Variants in KLHL29 observed in about 807,000 individuals in gnomAD.
KLHL29 encodes the protein kelch-like protein 29.
In KLHL29, 21 loss-of-function variants were observed where a neutral mutation model predicts 80.4. That is an observed-to-expected ratio of 0.26 (90% CI 0.19 to 0.38). KLHL29 has a LOEUF of 0.38. KLHL29 is among the 10% of genes least tolerant of loss of function. The pLI is 1.00. For missense variants in KLHL29, 867 were observed against 1,223.9 expected (o/e 0.71, Z 4.35); for synonymous variants, 511 against 526.8 (o/e 0.97, Z 0.41).
chr2:23,440,979 G>T (rs1376140607), intron 1 of KLHL29, among the ~76,000 whole-genome samples: 1 of 152,170 alleles, frequency 6.6e-6, no homozygotes, highest in Non-Finnish European at 1.5e-5. Flanking sequence ...CCATTACTGG[G>T]TATATACCCA....
intron 5 of KLHL29, among the ~76,000 whole-genome samples, chr2:23,660,483 A>G (rs1229083504): frequency 6.6e-6 from 1 of 152,180 alleles, no homozygotes; most frequent in Non-Finnish European, 1.5e-5. Flanking sequence ...GCTGCCAAAA[A>G]CAGGTGTTCA....
intron 2 of KLHL29, among the ~76,000 whole-genome samples, chr2:23,547,899 G>C (rs994206859): frequency 6.6e-6 from 1 of 152,168 alleles, no homozygotes; most frequent in African/African-American, 2.4e-5. Context: ...AAGGCTTCCA[G>C]GAGGAGGTGA....
intron 3 of KLHL29, among the ~76,000 whole-genome samples, chr2:23,636,426 C>T (rs1429306829): frequency 1.3e-5 from 2 of 151,844 alleles, no homozygotes; most frequent in African/African-American, 2.4e-5. Flanking sequence ...ACTTGATTCT[C>T]ACCACAGAGC....
intron 2 of KLHL29, among the ~76,000 whole-genome samples, chr2:23,493,661 G>A (rs73919708): frequency 1.2e-4 from 19 of 152,116 alleles, no homozygotes; most frequent in African/African-American, 3.6e-4. Context: ...GTGTGTGCGC[G>A]CATGTGTGTG....
chr2:23,470,533 G>C (rs549129568), intron 1 of KLHL29, among the ~76,000 whole-genome samples: 2 of 152,188 alleles, frequency 1.3e-5, no homozygotes, highest in Non-Finnish European at 2.9e-5. Flanking sequence ...AAATTTGTTA[G>C]AACAGGTAAA....
rs751380693 is a variant in KLHL29, at chr2:23,596,045, C to T, written c.285+33564C>T. ...ACACCGTTTTGTGGCATTGGGTCCA[C>T]ATTTGCTGCCAGCATAGCCTCTGGA... On this transcript the variant is annotated intron_variant, in intron 3 of 13. Transcript: ENST00000486442. The surrounding 1 kb of genome is among the most constrained non-coding windows in gnomAD (Gnocchi z 4.4). Among the ~76,000 whole-genome samples the T allele has an allele frequency of 5.1e-4, 77 of 152,336 alleles. No individual in the cohort carries two copies. Among genetic ancestry groups the T allele is most frequent in the Non-Finnish European group, 8.8e-4 (60 of 68,038 alleles).
rs140750247 is a variant in KLHL29, at chr2:23,461,658, G to A, written c.-153-13902G>A. Among the ~76,000 whole-genome samples the A allele has an allele frequency of 1.8e-3, 263 of 148,254 alleles. 2 individuals are homozygous for A. Among genetic ancestry groups the A allele is most frequent in the African/African-American group, 6.1e-3 (245 of 39,884 alleles). ...GTGACCCCTCTACCTTGTATGACTC[G>A]CTCTGCCTTCTCTATCAGCTACTTC... is the stretch of plus-strand genomic sequence containing the variant. On this transcript the variant is annotated intron_variant, in intron 1 of 13. Coordinates refer to ENST00000486442, the MANE Select transcript of KLHL29 (RefSeq NM_052920.2).
chr2:23,690,455 T>C (rs1193706029), intron 6 of KLHL29: 1 of 152,202 alleles, frequency 6.6e-6, no homozygotes. Context: ...GCCTGCTCGC[T>C]TGCTGGACAC....
intron 2 of KLHL29, among the ~76,000 whole-genome samples, chr2:23,545,158 G>C (rs1000969152): frequency 6.6e-6 from 1 of 152,188 alleles, no homozygotes; most frequent in African/African-American, 2.4e-5. Flanking sequence ...TGCCAGCCGA[G>C]GAGGCTGAAT....
chr2:23,705,362 G>A (rs964486643), intron 13 of KLHL29, among the ~76,000 whole-genome samples: 8 of 152,130 alleles, frequency 5.3e-5, no homozygotes, highest in African/African-American at 1.9e-4. Flanking sequence ...GTGGTGGCAG[G>A]CGCCTGTAAT....
chr2:23,487,592 C>G (rs906096410), intron 2 of KLHL29, among the ~76,000 whole-genome samples: 2 of 152,014 alleles, frequency 1.3e-5, no homozygotes, highest in African/African-American at 2.4e-5. Flanking sequence ...GGCCAGCAGC[C>G]CACCCTGTAT....
rs373711370 is a variant in KLHL29 at position 23,628,998 on chromosome 2, G to A, written c.286-10141G>A. ...TGCCCACCTCCCCGCCCACTCTGGC[G>A]ACACGATTGGAGAGGGTCACCGTGC... On this transcript the variant is annotated intron_variant, in intron 3 of 13. Transcript: ENST00000486442. Among the ~76,000 whole-genome samples the A allele has an allele frequency of 9.8e-5, 15 of 152,350 alleles. No individual in the cohort carries two copies. The South Asian group carries it at 2.5e-3, about 25-fold the overall frequency.
In KLHL29 at chr2:23,457,813, A is replaced by C. The variant is rs1664099637; in HGVS notation, c.-153-17747A>C. On this transcript the variant is annotated intron_variant, in intron 1 of 13. Coordinates refer to ENST00000486442, the MANE Select transcript of KLHL29 (RefSeq NM_052920.2). This position sits in a 1 kb window ranked among gnomAD's most constrained non-coding sequence, Gnocchi z 4.3. ...CAGATCACGAGGTCAGGAGATCGAG[A>C]CCATCCTGGCTAACACAGTGAAACC... 6.6e-6 allele frequency among the ~76,000 whole-genome samples: 1 copy of C among 152,082 alleles called. No individual in the cohort carries two copies. Among genetic ancestry groups the C allele is most frequent in the Non-Finnish European group, 1.5e-5 (1 of 68,006 alleles).
intron 2 of KLHL29, among the ~76,000 whole-genome samples, chr2:23,512,783 C>G (rs956585453): frequency 1.3e-5 from 2 of 152,278 alleles, no homozygotes; most frequent in African/African-American, 4.8e-5. Flanking sequence ...TGGTACAGGA[C>G]TGTGTATGCG....
At position 23,696,562 on chromosome 2, in the gene KLHL29, A is replaced by G; in HGVS notation, c.2105+49A>G. ...GGGGCATGCTCTTTGCTCACCAAGAACTGAAATCACGTCACTCACTGTACC... is the reference window on the plus strand; with the variant it reads ...GGGGCATGCTCTTTGCTCACCAAGAGCTGAAATCACGTCACTCACTGTACC... On this transcript the variant is annotated intron_variant, in intron 11 of 13. Coordinates refer to ENST00000486442, the MANE Select transcript of KLHL29 (RefSeq NM_052920.2). The surrounding 1 kb of genome is among the most constrained non-coding windows in gnomAD (Gnocchi z 5.5). 1 of 1,406,892 alleles carries G rather than the reference A, an allele frequency of 7.1e-7. No homozygotes were observed. Among genetic ancestry groups the G allele is most frequent in the Non-Finnish European group, 9.5e-7 (1 of 1,048,904 alleles). 87.2% of individuals were successfully genotyped at this position (1,406,892 alleles called of 1,614,324 possible).
intron 2 of KLHL29, among the ~76,000 whole-genome samples, chr2:23,498,640 T>A (rs1469240549): frequency 6.6e-6 from 1 of 152,264 alleles, no homozygotes; most frequent in African/African-American, 2.4e-5. Context: ...CGGGGCTTCC[T>A]TCCACACTGA....
intron 2 of KLHL29, among the ~76,000 whole-genome samples, chr2:23,492,953 C>T (rs1665149711): frequency 6.6e-6 from 1 of 152,196 alleles, no homozygotes; most frequent in Non-Finnish European, 1.5e-5. Context: ...TGCCTCTCTC[C>T]GTTGCAGCTG....
chr2:23,501,266 C>T (rs57808559), intron 2 of KLHL29, among the ~76,000 whole-genome samples: 2,023 of 152,066 alleles, frequency 0.013, 52 homozygotes, highest in African/African-American at 0.046. Context: ...AGACCGGGTC[C>T]AATTGGTATC....
At chr2:23,533,037 G>A (rs915017701) in intron 2 of KLHL29, among the ~76,000 whole-genome samples, 6 of 152,166 alleles carry the variant, frequency 3.9e-5, no homozygotes, top group Non-Finnish European at 7.4e-5. Flanking sequence ...TGCCTGGCCT[G>A]GTCTTTGACG....
Sources: allele counts gnomAD v4.1 joint callset (sites outside exome capture counted in the v4.1 genomes callset), GRCh38; gene constraint gnomAD v4.1.1; non-coding constraint Gnocchi (gnomAD v3.1); transcripts MANE v1.5; gene names NCBI Gene and HGNC (gene_info 2026-07-23, HGNC 2026-07-21).